CPSF6: variants seen among roughly 807,000 people sequenced by gnomAD.
CPSF6 encodes cleavage and polyadenylation specificity factor subunit 6.
In CPSF6, 10 loss-of-function variants were observed where a neutral mutation model predicts 56.7. The ratio of observed to expected loss-of-function variants is 0.18; its 90% confidence interval spans 0.11 to 0.30. The LOEUF (loss-of-function observed/expected upper bound fraction) is 0.30. Among genes scored for constraint, CPSF6 ranks in the 10% least tolerant of loss-of-function variants. The pLI is 1.00. For synonymous variants in CPSF6, 248 were observed against 244.8 expected (o/e 1.01, Z -0.12); for missense variants, 419 against 722.9 (o/e 0.58, Z 4.82).
intron 9 of CPSF6, 24 bp downstream of exon 9, chr12:69,262,586 A>G (rs961622538): frequency 1.3e-6 from 2 of 1,588,072 alleles, no homozygotes; most frequent in Non-Finnish European, 1.7e-6. Context: ...GTTCCCTGTT[A>G]AATGTGTGTG....
At chr12:69,267,605 A>G (rs557267166) in intron 9 of CPSF6, among the ~76,000 whole-genome samples, 4 of 152,050 alleles carry the variant, frequency 2.6e-5, no homozygotes, top group Admixed American at 6.6e-5. Context: ...ATTTGAGAGT[A>G]TAATATGGAA....
intron 1 of CPSF6, among the ~76,000 whole-genome samples, chr12:69,241,150 T>C (rs1871597147): frequency 6.6e-6 from 1 of 152,242 alleles, no homozygotes. Context: ...AAATACCAGT[T>C]GGCTTTAAAT....
At chr12:69,261,863 C>T (rs1872756330) in intron 8 of CPSF6, among the ~76,000 whole-genome samples, 1 of 152,116 alleles carries the variant, frequency 6.6e-6, no homozygotes, top group Non-Finnish European at 1.5e-5. Context: ...CTCTCCCATG[C>T]CTCTTCTCCT....
At chr12:69,239,831 C>A in intron 1 of CPSF6, 125 bp downstream of exon 1, 1 of 812,856 alleles carries the variant, frequency 1.2e-6, no homozygotes, top group Non-Finnish European at 1.6e-6. Flanking sequence ...GCCTCTGGGC[C>A]GCGCCGCCGA....
intron 1 of CPSF6, among the ~76,000 whole-genome samples, chr12:69,248,232 A>C (rs1295744308): frequency 1.3e-5 from 2 of 152,218 alleles, no homozygotes; most frequent in Non-Finnish European, 2.9e-5. Context: ...AGCTAATAGA[A>C]GAAAACAAAG....
intron 4 of CPSF6, 81 bp from the exon 5 acceptor site, chr12:69,257,651 G>A: frequency 1.6e-6 from 2 of 1,284,988 alleles, no homozygotes; most frequent in East Asian, 2.4e-5. Context: ...ATTAGAAATA[G>A]AGTTGTTTTT....
At chr12:69,253,248 A>G in intron 3 of CPSF6, 94 bp downstream of exon 3, 1 of 597,562 alleles carries the variant, frequency 1.7e-6, no homozygotes, top group Non-Finnish European at 3.0e-6. Context: ...TTACACATGT[A>G]TACACATGTA....
chr12:69,247,363 TAGTG>T (rs1871965342), intron 1 of CPSF6, among the ~76,000 whole-genome samples: 1 of 151,098 alleles, frequency 6.6e-6, no homozygotes, highest in Non-Finnish European at 1.5e-5. Flanking sequence ...TGAAAAAAAT[TAGTG>T]AGTTTTTTTT....
chr12:69,239,972 C>T (rs900191462), intron 1 of CPSF6, among the ~76,000 whole-genome samples: 8 of 150,856 alleles, frequency 5.3e-5, no homozygotes, highest in Admixed American at 5.3e-4. Flanking sequence ...CCTCCCTCGC[C>T]GGCGCTGCCT....
At position 69,262,629 on chromosome 12, in the gene CPSF6, C is replaced by G; in HGVS notation, c.*3+67C>G. 10 of 1,510,640 alleles carry G rather than the reference C, an allele frequency of 6.6e-6. No homozygotes were observed. The South Asian group carries it at 1.3e-4, about 20-fold the overall frequency. The allele number at this position is 1,510,640 out of a possible 1,614,324, so 93.6% of individuals were successfully genotyped here. On this transcript the variant is annotated intron_variant, in intron 9 of 9. Transcript: ENST00000435070. ...AACAGTAACTATAACTCCAAGGCTA[C>G]TGTTTATACAGTATATACCTACATT...
rs1873231947 is a variant in CPSF6 at position 69,271,327 on chromosome 12, A to G, written c.*1819A>G. ...CATTTCTTGGCTTTTTAATATTTTG[A>G]CTACAATGCCCTAATGCGAAGAAGT... On this transcript the variant is annotated 3_prime_UTR_variant, in exon 10 of 10. Coordinates refer to ENST00000435070, the MANE Select transcript of CPSF6 (RefSeq NM_007007.3). The G allele has an allele frequency of 2.0e-5, 3 of 151,986 alleles. No individual in the cohort carries two copies. The South Asian group carries it at 6.2e-4, about 31-fold the overall frequency. The allele number at this position is 151,986 out of a possible 1,614,324, so 9.4% of individuals were successfully genotyped here.
intron 2 of CPSF6, among the ~76,000 whole-genome samples, 188 bp from the exon 3 acceptor site, chr12:69,252,863 A>G (rs1035812028): frequency 6.6e-6 from 1 of 152,182 alleles, no homozygotes; most frequent in Admixed American, 6.5e-5. Context: ...TCAGGGAATG[A>G]AGTTAGGTTC....
At position 69,270,555 on chromosome 12, in the gene CPSF6, A is replaced by G. The variant is rs1204662356; in HGVS notation, c.*1047A>G. On this transcript the variant is annotated 3_prime_UTR_variant, in exon 10 of 10. Transcript: ENST00000435070. ...AGTAAAGAGAGCCTTATATTTTCCA[A>G]TTGGTATAAATTTTTGAAGGATGTG... 6.6e-6 allele frequency: 1 copy of G among 151,718 alleles called. No homozygotes were observed. Among genetic ancestry groups the G allele is most frequent in the African/African-American group, 2.4e-5 (1 of 41,400 alleles). 9.4% of individuals were successfully genotyped at this position (151,718 alleles called of 1,614,324 possible).
Position 69,239,631 on chromosome 12 carries a change from C to T in CPSF6, c.-16C>T, listed in dbSNP as rs777806597. ...CAGGAGGCGGCGGCGGCGGCGGCGG[C>T]CGAGGCTGAAGGAAGATGGCGGACG... On this transcript the variant is annotated 5_prime_UTR_variant, in exon 1 of 10. Coordinates refer to ENST00000435070, the MANE Select transcript of CPSF6 (RefSeq NM_007007.3). 64 of 1,564,776 alleles carry T rather than the reference C, an allele frequency of 4.1e-5. No homozygotes were observed. The highest frequency in any genetic ancestry group is 5.1e-5 in the Non-Finnish European group (59 of 1,157,868).
Position 69,273,041 on chromosome 12 carries a change from T to C in CPSF6, c.*3533T>C, listed in dbSNP as rs1232534421. 1 of 262,234 alleles carries C rather than the reference T, an allele frequency of 3.8e-6. No individual in the cohort carries two copies. Among genetic ancestry groups the C allele is most frequent in the Non-Finnish European group, 8.4e-6 (1 of 119,656 alleles). The allele number at this position is 262,234 out of a possible 1,614,324, so 16.2% of individuals were successfully genotyped here. A position where few individuals can be genotyped will look rare whatever the true frequency, so the allele number is the denominator to read the frequency against. On this transcript the variant is annotated 3_prime_UTR_variant, in exon 10 of 10. Transcript: ENST00000435070. The stretch of plus-strand genomic sequence containing the variant: ...ATTTATTAAGATGTGGCCTTACATA[T>C]GGCATTCCTTGTGTTCGTAATGTGA...
At chr12:69,262,588 ATG>A (rs1565650055) in intron 9 of CPSF6, 26 bp downstream of exon 9, 3 of 1,583,522 alleles carry the variant, frequency 1.9e-6, no homozygotes, top group South Asian at 2.3e-5. Flanking sequence ...TCCCTGTTAA[ATG>A]TGTGTGTATT....
rs555395164 is a variant in CPSF6 at position 69,263,425 on chromosome 12, T to C, written c.*3+863T>C. Among the ~76,000 whole-genome samples, 28 of 152,134 alleles carry C rather than the reference T, an allele frequency of 1.8e-4. 1 individual carries two copies. Among genetic ancestry groups the C allele is most frequent in the Admixed American group, 5.9e-4 (9 of 15,292 alleles). ...CACATGTAATTTTATTTTTTATATT[T>C]GTTAATAGCATTTATTCATGTGAAG... On this transcript the variant is annotated intron_variant, in intron 9 of 9. Coordinates refer to ENST00000435070, the MANE Select transcript of CPSF6 (RefSeq NM_007007.3).
Position 69,271,278 on chromosome 12 carries a change from C to T in CPSF6, c.*1770C>T, listed in dbSNP as rs145015018. On this transcript the variant is annotated 3_prime_UTR_variant, in exon 10 of 10. Coordinates refer to ENST00000435070, the MANE Select transcript of CPSF6 (RefSeq NM_007007.3). ...TATTTTAGAGTTGTATCAAAATTTT[C>T]CTGTTTTCTGTATATTGTTGTGTCA... is the stretch of plus-strand genomic sequence containing the variant. 1 of 152,036 alleles carries T rather than the reference C, an allele frequency of 6.6e-6. No individual in the cohort carries two copies. Among genetic ancestry groups the T allele is most frequent in the Admixed American group, 6.6e-5 (1 of 15,212 alleles). The allele number at this position is 152,036 out of a possible 1,614,324, so 9.4% of individuals were successfully genotyped here. A position where few individuals can be genotyped will look rare whatever the true frequency, so the allele number is the denominator to read the frequency against.
intron 4 of CPSF6, 131 bp downstream of exon 4, chr12:69,256,973 A>G (rs1872538108): frequency 1.8e-5 from 14 of 774,562 alleles, no homozygotes; most frequent in Middle Eastern, 3.2e-4. Context: ...CATGCTTTGA[A>G]TTAGATTTAA....
Sources: gnomAD v4.1 joint callset for allele counts (sites outside exome capture counted in the v4.1 genomes callset) on GRCh38, gnomAD v4.1.1 for gene constraint, MANE v1.5 for transcripts, NCBI Gene and HGNC (gene_info 2026-07-23, HGNC 2026-07-21) for gene names.